DCDC2: variants seen among roughly 807,000 people sequenced by gnomAD.
The protein encoded by DCDC2 is doublecortin domain containing 2, also known as doublecortin domain-containing protein 2.
In DCDC2, 40 loss-of-function variants were observed where a neutral mutation model predicts 50.2. The observed-to-expected ratio is 0.80, with a 90% CI of 0.62 to 1.04. DCDC2 has a LOEUF of 1.04. Among genes scored for constraint, DCDC2 ranks in the 50% least tolerant of loss-of-function variants. The probability of loss-of-function intolerance (pLI) is 0.00; values close to 1 mark genes in which losing one functional copy is unlikely to be tolerated. For missense variants in DCDC2, 570 were observed against 581.9 expected, an observed-to-expected ratio of 0.98 and a Z score of 0.21; for synonymous variants, 234 against 210.6, an observed-to-expected ratio of 1.11 and a Z score of -0.96.
At chr6:24,378,542 G>A in the DCDC2 span, among the ~76,000 whole-genome samples, 1 of 152,224 alleles carries the variant, frequency 6.6e-6, no homozygotes, top group South Asian at 2.1e-4. Context: ...GTGGAATAAA[G>A]TTGAAGCTGC....
rs191005001 is a variant in DCDC2, at chr6:24,179,318, C to T, written c.1024-686G>A. ...ATCCTAGCACTTTGGGAGGCCGAGG[C>T]GGGCAGATCATGAGGTCAGGAGATC... is the stretch of plus-strand genomic sequence containing the variant. On this transcript the variant is annotated intron_variant, in intron 8 of 9. Coordinates refer to ENST00000378454, the MANE Select transcript of DCDC2 (RefSeq NM_016356.5). Among the ~76,000 whole-genome samples, 326 of 151,938 alleles carry T rather than the reference C, an allele frequency of 2.1e-3. 1 individual carries two copies. Among genetic ancestry groups the T allele is most frequent in the African/African-American group, 6.9e-3 (287 of 41,436 alleles).
intron 2 of DCDC2, among the ~76,000 whole-genome samples, chr6:24,334,265 C>T (rs1760017772): frequency 6.6e-6 from 1 of 152,188 alleles, no homozygotes; most frequent in African/African-American, 2.4e-5. Flanking sequence ...GGTATACTTA[C>T]TGGAAATGCT....
chr6:24,290,823 TAATA>T, intron 5 of DCDC2, 105 bp downstream of exon 5: 3 of 973,186 alleles, frequency 3.1e-6, no homozygotes, highest in East Asian at 2.7e-5. Context: ...CCATTCTAAG[TAATA>T]AATAAGATTA....
chr6:24,321,311 A>G (rs1290939438), intron 2 of DCDC2, among the ~76,000 whole-genome samples: 1 of 152,214 alleles, frequency 6.6e-6, no homozygotes, highest in East Asian at 1.9e-4. Flanking sequence ...ATTAAGAAAC[A>G]GTATATTTGC....
At chr6:24,210,347 C>T (rs925829965) in intron 7 of DCDC2, among the ~76,000 whole-genome samples, 27 of 152,268 alleles carry the variant, frequency 1.8e-4, no homozygotes, top group African/African-American at 6.5e-4. Flanking sequence ...TGACACTTCA[C>T]CTTGGATGTC....
intron 6 of DCDC2, among the ~76,000 whole-genome samples, chr6:24,286,137 C>A (rs796533641): frequency 6.6e-6 from 1 of 152,146 alleles, no homozygotes; most frequent in Non-Finnish European, 1.5e-5. Context: ...AGCCTGGGCC[C>A]TCTGTAATTC....
At chr6:24,212,260 G>C (rs1053575412) in intron 7 of DCDC2, among the ~76,000 whole-genome samples, 2 of 152,104 alleles carry the variant, frequency 1.3e-5, no homozygotes, top group African/African-American at 4.8e-5. Flanking sequence ...ATAAATGTTG[G>C]GAAGCGTTCT....
intron 4 of DCDC2, among the ~76,000 whole-genome samples, chr6:24,300,227 A>T (rs1759342989): frequency 1.3e-5 from 2 of 151,836 alleles, no homozygotes; most frequent in African/African-American, 4.8e-5. Context: ...TAATCTCTAC[A>T]AAAAAGAAAA....
At chr6:24,181,473 T>A (rs1236066326) in intron 8 of DCDC2, among the ~76,000 whole-genome samples, 1 of 152,154 alleles carries the variant, frequency 6.6e-6, no homozygotes, top group Non-Finnish European at 1.5e-5. Context: ...ATGGGTGTTG[T>A]CATTATAAAA....
intron 6 of DCDC2, among the ~76,000 whole-genome samples, chr6:24,286,803 G>A (rs985171207): frequency 1.3e-5 from 2 of 152,086 alleles, no homozygotes; most frequent in Admixed American, 6.6e-5. Flanking sequence ...CAAATTCCAA[G>A]CTTAAAAACC....
At chr6:24,300,148 G>C (rs540294814) in intron 4 of DCDC2, among the ~76,000 whole-genome samples, 1 of 152,126 alleles carries the variant, frequency 6.6e-6, no homozygotes, top group African/African-American at 2.4e-5. Flanking sequence ...CCAGCACTTT[G>C]GGAGGCCAAG....
rs766130050 is a variant in DCDC2, at chr6:24,210,052, G to GTGTGTGTC, written c.923-4951_923-4950insGACACACA. ...TGTGTGTGTGTGTGTGTGTGTGTGT[G>GTGTGTGTC]TGTCTGTCTGTCTGTCTGTCTGCCT... On this transcript the variant is annotated intron_variant, in intron 7 of 9. Coordinates refer to ENST00000378454, the MANE Select transcript of DCDC2 (RefSeq NM_016356.5). 8.9e-4 allele frequency among the ~76,000 whole-genome samples: 118 copies of GTGTGTGTC among 133,292 alleles called. 1 individual carries two copies. Among genetic ancestry groups the GTGTGTGTC allele is most frequent in the African/African-American group, 2.9e-3 (98 of 34,340 alleles). 87.4% of individuals were successfully genotyped at this position (133,292 alleles called of 152,430 possible). A position where few individuals can be genotyped will look rare whatever the true frequency, so the allele number is the denominator to read the frequency against.
chr6:24,227,792 A>G (rs567376973), intron 7 of DCDC2, among the ~76,000 whole-genome samples: 375 of 152,270 alleles, frequency 2.5e-3, no homozygotes, highest in Non-Finnish European at 4.0e-3. Context: ...CAATATTCAC[A>G]ATGACTGTCT....
At chr6:24,272,142 A>C (rs1763252560) in intron 7 of DCDC2, among the ~76,000 whole-genome samples, 1 of 152,012 alleles carries the variant, frequency 6.6e-6, no homozygotes, top group Non-Finnish European at 1.5e-5. Context: ...CATACGTCTT[A>C]CTAGTATTCA....
At chr6:24,285,260 G>C (rs1763574709) in intron 6 of DCDC2, among the ~76,000 whole-genome samples, 1 of 152,186 alleles carries the variant, frequency 6.6e-6, no homozygotes, top group Non-Finnish European at 1.5e-5. Flanking sequence ...ATTTTTCTAA[G>C]TCATAGCATG....
In DCDC2 at chr6:24,327,427, C is replaced by T. The variant is rs190959973; in HGVS notation, c.349-25383G>A. ...ATAATTAGTTTTCATGGCAACAGTC[C>T]ACTTTTAGTCAATCAACATTATAAA... is the stretch of plus-strand genomic sequence containing the variant. On this transcript the variant is annotated intron_variant, in intron 2 of 9. Transcript: ENST00000378454. Among the ~76,000 whole-genome samples the T allele has an allele frequency of 4.1e-3, 599 of 146,936 alleles. 39 individuals are homozygous for T. The highest frequency in any genetic ancestry group is 7.9e-3 in the Admixed American group (115 of 14,604).
intron 2 of DCDC2, among the ~76,000 whole-genome samples, chr6:24,316,483 C>T (rs1379261884): frequency 6.6e-6 from 1 of 152,088 alleles, no homozygotes; most frequent in Admixed American, 6.5e-5. Context: ...TTAAGATAAA[C>T]GAGTAAGAAA....
intron 7 of DCDC2, among the ~76,000 whole-genome samples, chr6:24,210,050 GTGTGTC>G (rs879744705): frequency 0.014 from 1,793 of 128,030 alleles, 14 homozygotes; most frequent in East Asian, 0.045. Flanking sequence ...GTGTGTGTGT[GTGTGTC>G]TGTCTGTCTG....
chr6:24,286,844 A>G (rs1305862460), intron 6 of DCDC2, among the ~76,000 whole-genome samples: 1 of 152,160 alleles, frequency 6.6e-6, no homozygotes, highest in Non-Finnish European at 1.5e-5. Context: ...TTTCTCCATT[A>G]ACCCCTTGTA....
Sources: allele counts gnomAD v4.1 joint callset (sites outside exome capture counted in the v4.1 genomes callset), GRCh38; gene constraint gnomAD v4.1.1; transcripts MANE v1.5; gene names NCBI Gene and HGNC (gene_info 2026-07-23, HGNC 2026-07-21).